Variants in RBFOX2 observed in about 807,000 individuals in gnomAD.
RBFOX2 encodes the protein RNA binding protein fox-1 homolog 2.
In RBFOX2, 10 loss-of-function variants were observed where a neutral mutation model predicts 49.1. The observed-to-expected ratio is 0.20, with a 90% confidence interval of 0.13 to 0.35. RBFOX2 has a LOEUF of 0.35. RBFOX2 is among the 10% of genes least tolerant of loss of function. The probability of loss-of-function intolerance (pLI) is 1.00; values close to 1 mark genes in which losing one functional copy is unlikely to be tolerated. For missense variants in RBFOX2, 323 were observed against 486.9 expected (o/e 0.66, Z 3.17); for synonymous variants, 183 against 187.4 (o/e 0.98, Z 0.19).
At chr22:35,957,810 G>C (rs1440775310) in intron 1 of RBFOX2, among the ~76,000 whole-genome samples, 1 of 152,092 alleles carries the variant, frequency 6.6e-6, no homozygotes, top group Admixed American at 6.5e-5. Context: ...GATCTGAATG[G>C]AATAACAGAC....
chr22:35,867,704 T>C (rs1210893443), intron 1 of RBFOX2, among the ~76,000 whole-genome samples: 3 of 152,198 alleles, frequency 2.0e-5, no homozygotes, highest in African/African-American at 7.2e-5. Flanking sequence ...AACTATTTTA[T>C]GAAGAAAAAA....
chr22:35,978,556 G>A (rs1001524770), intron 1 of RBFOX2, among the ~76,000 whole-genome samples: 3 of 152,242 alleles, frequency 2.0e-5, no homozygotes, highest in East Asian at 3.9e-4. Flanking sequence ...GGTAGGAAAA[G>A]TACAAAATAA....
In RBFOX2 at chr22:35,750,395, A is replaced by G. The variant is rs573114632; in HGVS notation, c.888-3834T>C. On this transcript the variant is annotated intron_variant, in intron 9 of 11. Coordinates refer to ENST00000405409, the Ensembl canonical transcript of RBFOX2. ...AGCAACCATTAATAATAAAAATTAA[A>G]AAGGACATATGTATTTACACACAAT... The G allele has an allele frequency of 1.9e-5, 29 of 1,527,980 alleles. No homozygotes were observed. In the African/African-American group the frequency reaches 3.1e-4, roughly 17 times the overall value. The allele number at this position is 1,527,980 out of a possible 1,614,324, so 94.7% of individuals were successfully genotyped here.
At position 35,821,602 on chromosome 22, in the gene RBFOX2, CAAAAAAAA is replaced by C. The variant is rs1158936385; in HGVS notation, c.28-11606_28-11599del. On this transcript the variant is annotated intron_variant, in intron 1 of 11. Transcript: ENST00000405409. ...GGGGGACAGAGTGAGACTCCGTCTC[CAAAAAAAA>C]AAAAAAAAAAAAAAAAAAAAAGCAG... is the stretch of plus-strand genomic sequence containing the variant. Among the ~76,000 whole-genome samples the C allele has an allele frequency of 2.7e-4, 10 of 36,450 alleles. No homozygotes were observed. The Admixed American group carries it at 3.7e-3, about 13-fold the overall frequency. 23.9% of individuals were successfully genotyped at this position (36,450 alleles called of 152,430 possible).
At chr22:35,868,960 C>G (rs144954454) in intron 1 of RBFOX2, among the ~76,000 whole-genome samples, 70 of 152,264 alleles carry the variant, frequency 4.6e-4, no homozygotes, top group African/African-American at 1.7e-3. Flanking sequence ...CTAATGCTAC[C>G]TCTTTTGAAT....
chr22:35,935,786 C>T (rs1351247362), intron 1 of RBFOX2, among the ~76,000 whole-genome samples: 2 of 152,166 alleles, frequency 1.3e-5, no homozygotes, highest in Non-Finnish European at 2.9e-5. Context: ...GGGGAAATTT[C>T]AGCTCTTATT....
intron 2 of RBFOX2, among the ~76,000 whole-genome samples, chr22:35,783,585 T>C (rs370188342): frequency 7.2e-5 from 11 of 152,064 alleles, no homozygotes; most frequent in Admixed American, 3.3e-4. Flanking sequence ...AGAATGGTCA[T>C]TGAACAGTCA....
chr22:35,894,827 T>C (rs2047644720), intron 1 of RBFOX2, among the ~76,000 whole-genome samples: 2 of 151,974 alleles, frequency 1.3e-5, no homozygotes, highest in African/African-American at 4.8e-5. Context: ...AGGTACATCA[T>C]GTCAGATCGG....
At chr22:35,751,629 A>G (rs1354731211) in intron 9 of RBFOX2, among the ~76,000 whole-genome samples, 1 of 152,218 alleles carries the variant, frequency 6.6e-6, no homozygotes, top group Non-Finnish European at 1.5e-5. Flanking sequence ...TTGTGGCAAA[A>G]TGGCATCACT....
intron 2 of RBFOX2, among the ~76,000 whole-genome samples, chr22:35,800,776 G>A (rs899711194): frequency 6.6e-6 from 1 of 151,870 alleles, no homozygotes; most frequent in Admixed American, 6.6e-5. Flanking sequence ...GGAATGCAAA[G>A]ATGAAAAATG....
intron 1 of RBFOX2, among the ~76,000 whole-genome samples, chr22:35,863,413 A>G (rs923607150): frequency 6.6e-6 from 1 of 152,164 alleles, no homozygotes; most frequent in Non-Finnish European, 1.5e-5. Context: ...AACAGTACCG[A>G]AAAACAATAA....
chr22:36,010,412 C>T (rs536768600), intron 1 of RBFOX2, among the ~76,000 whole-genome samples: 1 of 152,138 alleles, frequency 6.6e-6, no homozygotes, highest in South Asian at 2.1e-4. Flanking sequence ...AGAGACTGCG[C>T]GGGCCTAATT....
rs757222260 is a variant in RBFOX2 at position 35,810,023 on chromosome 22, G to A, written c.28-19C>T. On this transcript the variant is annotated intron_variant, in intron 1 of 11. Transcript: ENST00000405409. ...GGTTACCCTAAAACAAACAACAAGAGAAAGAAAAAGTGACTTTGAATCCTT... is the reference window on the plus strand; with the variant it reads ...GGTTACCCTAAAACAAACAACAAGAAAAAGAAAAAGTGACTTTGAATCCTT... 3.1e-6 allele frequency: 5 copies of A among 1,608,212 alleles called. No homozygotes were observed. The highest frequency in any genetic ancestry group is 3.4e-5 in the Admixed American group (2 of 59,114).
chr22:35,986,493 A>G (rs768490183), intron 1 of RBFOX2, among the ~76,000 whole-genome samples: 9 of 152,162 alleles, frequency 5.9e-5, no homozygotes, highest in Non-Finnish European at 8.8e-5. Context: ...GTGCACCTCA[A>G]AAAGAAGTCA....
chr22:35,746,788 G>A, intron 9 of RBFOX2: 1 of 382,634 alleles, frequency 2.6e-6, no homozygotes. Context: ...TTTCCAATTT[G>A]TGATAGTATT....
chr22:35,995,468 C>T (rs2058151775), intron 1 of RBFOX2: 2 of 152,194 alleles, frequency 1.3e-5, no homozygotes, highest in African/African-American at 4.8e-5. Context: ...AGTGATCCAA[C>T]TGATACGGTT....
chr22:36,010,400 A>C (rs1024569367), intron 1 of RBFOX2, among the ~76,000 whole-genome samples: 2 of 152,096 alleles, frequency 1.3e-5, no homozygotes, highest in African/African-American at 4.8e-5. Context: ...GACTCGGGCC[A>C]CAGAGACTGC....
intron 1 of RBFOX2, among the ~76,000 whole-genome samples, chr22:35,970,024 A>C (rs2056782911): frequency 6.6e-6 from 1 of 152,236 alleles, no homozygotes; most frequent in African/African-American, 2.4e-5. Context: ...CTCGAAAAAC[A>C]AACAACATCT....
chr22:35,886,778 G>A (rs1451418091), intron 1 of RBFOX2, among the ~76,000 whole-genome samples: 1 of 152,178 alleles, frequency 6.6e-6, no homozygotes, highest in African/African-American at 2.4e-5. Context: ...GCATTGAACT[G>A]CACTGATGAA....
Sources: gnomAD v4.1 joint callset for allele counts (sites outside exome capture counted in the v4.1 genomes callset) on GRCh38, gnomAD v4.1.1 for gene constraint, MANE v1.5 for transcripts, NCBI Gene and HGNC (gene_info 2026-07-23, HGNC 2026-07-21) for gene names.